The following AK5 variants were observed in gnomAD, a reference collection of about 807,000 sequenced individuals.
AK5 encodes adenylate kinase 5, also known as adenylate kinase isoenzyme 5.
A neutral mutation model predicts 69.5 loss-of-function variants in AK5; 27 were observed. The observed-to-expected ratio is 0.39, with a 90% CI of 0.29 to 0.54. AK5 has a LOEUF of 0.54. Ranked by LOEUF, AK5 falls within the 20% of genes least tolerant of loss-of-function variation. The probability of loss-of-function intolerance (pLI) is 0.71; values close to 1 mark genes in which losing one functional copy is unlikely to be tolerated. For missense variants in AK5, 531 were observed against 700.4 expected (o/e 0.76, Z 2.73); for synonymous variants, 260 against 244.4 (o/e 1.06, Z -0.60).
chr1:77,382,173 A>G (rs1570474625), intron 6 of AK5, among the ~76,000 whole-genome samples: 1 of 152,216 alleles, frequency 6.6e-6, no homozygotes, highest in East Asian at 1.9e-4. Context: ...TTTTCCCATA[A>G]AAGAACCCAG....
At chr1:77,406,310 A>G (rs908915084) in intron 6 of AK5, among the ~76,000 whole-genome samples, 8 of 144,276 alleles carry the variant, frequency 5.5e-5, no homozygotes, top group African/African-American at 2.1e-4. Flanking sequence ...GAGCCTGGAG[A>G]TGTTTCCAGG....
chr1:77,289,482 A>C (rs769766750), intron 2 of AK5, among the ~76,000 whole-genome samples: 8 of 152,218 alleles, frequency 5.3e-5, no homozygotes, highest in Non-Finnish European at 1.0e-4. Context: ...TACTTTCTAA[A>C]CCTTAAAGTA....
intron 2 of AK5, among the ~76,000 whole-genome samples, chr1:77,288,911 A>G (rs1383071678): frequency 6.6e-6 from 1 of 152,196 alleles, no homozygotes; most frequent in Non-Finnish European, 1.5e-5. Flanking sequence ...CACTCAGCAC[A>G]AAATAGCCAT....
At chr1:77,376,461 A>C (rs1431554958) in intron 6 of AK5, among the ~76,000 whole-genome samples, 6 of 138,868 alleles carry the variant, frequency 4.3e-5, no homozygotes, top group Non-Finnish European at 9.4e-5. Flanking sequence ...CAAAAAAAAA[A>C]AACATGTCTT....
chr1:77,507,774 G>C (rs1462170114), intron 10 of AK5, among the ~76,000 whole-genome samples: 1 of 152,242 alleles, frequency 6.6e-6, no homozygotes, highest in Admixed American at 6.5e-5. Flanking sequence ...ACATTGGAGA[G>C]TTCACAGCAA....
chr1:77,550,203 A>G (rs1351145305), intron 13 of AK5, among the ~76,000 whole-genome samples: 1 of 152,160 alleles, frequency 6.6e-6, no homozygotes, highest in Non-Finnish European at 1.5e-5. Context: ...TCAGCCTCCT[A>G]AAGCATGGGC....
intron 8 of AK5, among the ~76,000 whole-genome samples, chr1:77,423,893 G>A (rs1157993046): frequency 2.0e-5 from 3 of 152,010 alleles, no homozygotes; most frequent in Admixed American, 6.6e-5. Flanking sequence ...GCCCTCAGAA[G>A]AAACTACTTT....
At chr1:77,509,941 T>C (rs1404671262) in intron 10 of AK5, among the ~76,000 whole-genome samples, 1 of 152,218 alleles carries the variant, frequency 6.6e-6, no homozygotes, top group Non-Finnish European at 1.5e-5. Context: ...TTCACATGCA[T>C]TATTTTGTCC....
intron 6 of AK5, among the ~76,000 whole-genome samples, chr1:77,385,305 G>A (rs1198768152): frequency 6.6e-6 from 1 of 151,976 alleles, no homozygotes; most frequent in Admixed American, 6.5e-5. Flanking sequence ...GACTACAGGT[G>A]CCCGCCACCA....
At chr1:77,482,393 T>C (rs996758808) in intron 8 of AK5, among the ~76,000 whole-genome samples, 10 of 152,216 alleles carry the variant, frequency 6.6e-5, no homozygotes, top group African/African-American at 2.4e-4. Context: ...ATGAAAACTT[T>C]AAGGTAGGAA....
At chr1:77,553,513 G>T (rs892910529) in intron 13 of AK5, among the ~76,000 whole-genome samples, 1 of 152,222 alleles carries the variant, frequency 6.6e-6, no homozygotes, top group Non-Finnish European at 1.5e-5. Context: ...GGATCATTCC[G>T]TAGGCTAATT....
intron 6 of AK5, among the ~76,000 whole-genome samples, chr1:77,402,024 T>C (rs1649248369): frequency 6.6e-6 from 1 of 152,194 alleles, no homozygotes; most frequent in South Asian, 2.1e-4. Context: ...TTTCTTAAGA[T>C]TCCTAGACAT....
At chr1:77,512,983 AT>A (rs982763400) in intron 10 of AK5, among the ~76,000 whole-genome samples, 34 of 152,286 alleles carry the variant, frequency 2.2e-4, no homozygotes, top group African/African-American at 7.7e-4. Context: ...GTTGGTGATT[AT>A]TTCCCCCCAT....
At chr1:77,551,247 A>C (rs529126405) in intron 13 of AK5, among the ~76,000 whole-genome samples, 1 of 142,864 alleles carries the variant, frequency 7.0e-6, no homozygotes, top group South Asian at 2.2e-4. Flanking sequence ...ACACACACAC[A>C]CCTTCTATAA....
chr1:77,405,651 G>A (rs1351557711), intron 6 of AK5, among the ~76,000 whole-genome samples: 1 of 152,178 alleles, frequency 6.6e-6, no homozygotes, highest in East Asian at 1.9e-4. Context: ...CTTCCCAGTG[G>A]CTGCTCAGAG....
chr1:77,493,334 C>T (rs186698969), intron 10 of AK5, among the ~76,000 whole-genome samples: 6 of 151,666 alleles, frequency 4.0e-5, no homozygotes, highest in Non-Finnish European at 7.4e-5. Context: ...AGCAGCCCCC[C>T]CCAGGTTCTC....
chr1:77,530,881 A>G (rs779672222), intron 12 of AK5, among the ~76,000 whole-genome samples: 60 of 152,156 alleles, frequency 3.9e-4, no homozygotes, highest in Admixed American at 1.0e-3. Context: ...GTCAGAGGGC[A>G]GGAGGGCAAA....
At chr1:77,311,829 C>T (rs1659978927) in intron 5 of AK5, among the ~76,000 whole-genome samples, 1 of 152,090 alleles carries the variant, frequency 6.6e-6, no homozygotes, top group Non-Finnish European at 1.5e-5. Flanking sequence ...TGATTTTGTT[C>T]TGTTCTGAGG....
intron 2 of AK5, 91 bp from the exon 3 acceptor site, chr1:77,293,702 A>C: frequency 8.8e-7 from 1 of 1,139,256 alleles, no homozygotes; most frequent in Non-Finnish European, 1.2e-6. Flanking sequence ...AACCCATTTA[A>C]TTTTAAAATT....
Sources: allele counts gnomAD v4.1 joint callset (sites outside exome capture counted in the v4.1 genomes callset), GRCh38; gene constraint gnomAD v4.1.1; transcripts MANE v1.5; gene names NCBI Gene and HGNC (gene_info 2026-07-23, HGNC 2026-07-21).